FOXP2: variants seen among roughly 807,000 people sequenced by gnomAD.
FOXP2 encodes forkhead box P2.
A neutral mutation model predicts 115.8 loss-of-function variants in FOXP2; 12 were observed. The ratio of observed to expected loss-of-function variants is 0.10; its 90% CI spans 0.07 to 0.17. The LOEUF (loss-of-function observed/expected upper bound fraction) is 0.17. FOXP2 is among the 10% of genes least tolerant of loss of function. The pLI is 1.00. For missense variants in FOXP2, 629 were observed against 843.5 expected (o/e 0.75, Z 3.15); for synonymous variants, 328 against 297.7 (o/e 1.10, Z -1.05).
At chr7:114,594,416 A>G (rs377625260) in intron 3 of FOXP2, among the ~76,000 whole-genome samples, 2 of 151,998 alleles carry the variant, frequency 1.3e-5, no homozygotes, top group African/African-American at 4.8e-5. Context: ...CAGCTGCCCA[A>G]TCAGTGCTTT....
intron 6 of FOXP2, among the ~76,000 whole-genome samples, chr7:114,637,573 C>G (rs1362855543): frequency 6.6e-6 from 1 of 152,122 alleles, no homozygotes; most frequent in Admixed American, 6.6e-5. Context: ...ACTGCAGGCA[C>G]TCTTATAGAC....
At chr7:114,332,630 T>G (rs1404042259) in intron 2 of FOXP2, among the ~76,000 whole-genome samples, 1 of 152,172 alleles carries the variant, frequency 6.6e-6, no homozygotes, top group African/African-American at 2.4e-5. Flanking sequence ...TTCCCTCTCC[T>G]GACTGCAAAT....
intron 2 of FOXP2, among the ~76,000 whole-genome samples, chr7:114,306,495 C>T (rs139018529): frequency 2.6e-3 from 398 of 152,230 alleles, no homozygotes; most frequent in Non-Finnish European, 4.3e-3. Context: ...CTAAGAAATA[C>T]ATCAGGTGAA....
In FOXP2 at chr7:114,628,587, G is replaced by A; in HGVS notation, c.306G>A (p.Gln102=). Residue 102 remains glutamine, a synonymous_variant, in exon 4 of 17, where the codon CAG becomes CAA. Transcript: ENST00000350908. ...AMMTPQVITP[Q]QMQQILQQQV... The stretch of plus-strand genomic sequence containing the variant: ...TGACTCCCCAGGTGATCACCCCTCA[G>A]CAAATGCAGCAGATCCTTCAGCAAC... 1 of 1,614,092 alleles carries A rather than the reference G, an allele frequency of 6.2e-7. No individual in the cohort carries two copies. Among genetic ancestry groups the A allele is most frequent in the Admixed American group, 1.7e-5 (1 of 59,998 alleles).
intron 1 of FOXP2, among the ~76,000 whole-genome samples, chr7:114,089,535 G>A (rs532408121): frequency 1.3e-5 from 2 of 151,830 alleles, no homozygotes; most frequent in Non-Finnish European, 2.9e-5. Context: ...ATTTATACTC[G>A]GGTGGAAATA....
At chr7:114,551,316 A>T (rs1800195490) in intron 3 of FOXP2, among the ~76,000 whole-genome samples, 1 of 152,174 alleles carries the variant, frequency 6.6e-6, no homozygotes. Context: ...ATCCTCAGGG[A>T]GTTGACAATC....
intron 2 of FOXP2, among the ~76,000 whole-genome samples, chr7:114,529,357 G>A (rs1799029050): frequency 6.6e-6 from 1 of 151,820 alleles, no homozygotes; most frequent in Non-Finnish European, 1.5e-5. Flanking sequence ...CACTTCTGAG[G>A]ATGACTTGAG....
At chr7:114,414,742 C>T (rs2129199511), upstream of FOXP2, 1 of 192,632 alleles carries the variant, frequency 5.2e-6, no homozygotes. Flanking sequence ...TTGCAGAGCA[C>T]TGGAGCTTTA....
intron 2 of FOXP2, among the ~76,000 whole-genome samples, chr7:114,527,110 G>A (rs1798919349): frequency 6.6e-6 from 1 of 151,104 alleles, no homozygotes; most frequent in African/African-American, 2.4e-5. Context: ...TGTTTTCAAG[G>A]TTTATCCATG....
rs190482306 is a variant in FOXP2 at position 114,690,232 on chromosome 7, C to T, written c.*306C>T. ...GGCTTTGCCCATTTAAAAAATGTGG[C>T]TCTTAAGGGTTCATGAAATGACTGA... is the stretch of plus-strand genomic sequence containing the variant. On this transcript the variant is annotated 3_prime_UTR_variant, in exon 17 of 17. Coordinates refer to ENST00000350908, the MANE Select transcript of FOXP2 (RefSeq NM_014491.4). 8.4e-6 allele frequency: 4 copies of T among 475,386 alleles called. No individual in the cohort carries two copies. Among genetic ancestry groups the T allele is most frequent in the East Asian group, 6.2e-5 (1 of 16,192 alleles). The allele number at this position is 475,386 out of a possible 1,614,324, so 29.4% of individuals were successfully genotyped here. A position where few individuals can be genotyped will look rare whatever the true frequency, so the allele number is the denominator to read the frequency against.
At chr7:114,445,655 A>T (rs1267421003) in intron 2 of FOXP2, among the ~76,000 whole-genome samples, 1 of 152,190 alleles carries the variant, frequency 6.6e-6, no homozygotes, top group East Asian at 1.9e-4. Context: ...ACTGGGATTA[A>T]GTATCAAAAT....
intron 3 of FOXP2, among the ~76,000 whole-genome samples, chr7:114,546,605 ATCT>A (rs1799937932): frequency 6.6e-6 from 1 of 152,044 alleles, no homozygotes; most frequent in African/African-American, 2.4e-5. Context: ...AACACCCCTT[ATCT>A]GATTGGCAAA....
At chr7:114,156,880 A>C (rs1414503690) in intron 1 of FOXP2, among the ~76,000 whole-genome samples, 1 of 152,136 alleles carries the variant, frequency 6.6e-6, no homozygotes, top group Non-Finnish European at 1.5e-5. Context: ...TTTAATGTTG[A>C]CTTAGAACTT....
At chr7:114,418,069 G>A (rs528970693) in intron 1 of FOXP2, among the ~76,000 whole-genome samples, 13 of 151,990 alleles carry the variant, frequency 8.6e-5, no homozygotes, top group African/African-American at 1.2e-4. Flanking sequence ...ACAACAAGGC[G>A]TTATACTCAT....
At chr7:114,296,668 A>G (rs147174810) in intron 2 of FOXP2, among the ~76,000 whole-genome samples, 8 of 152,314 alleles carry the variant, frequency 5.3e-5, no homozygotes, top group African/African-American at 1.9e-4. Context: ...ACATATATTG[A>G]CACATATGAT....
At chr7:114,156,055 T>C (rs1169068166) in intron 1 of FOXP2, among the ~76,000 whole-genome samples, 3 of 152,074 alleles carry the variant, frequency 2.0e-5, no homozygotes, top group Admixed American at 1.3e-4. Flanking sequence ...CCAGTCTGAG[T>C]ATTACTAGAA....
intron 1 of FOXP2, among the ~76,000 whole-genome samples, chr7:114,156,127 C>T (rs565124383): frequency 2.0e-5 from 3 of 151,866 alleles, no homozygotes; most frequent in Admixed American, 6.6e-5. Flanking sequence ...CTCCCACTCA[C>T]CCAACTCCTG....
intron 1 of FOXP2, among the ~76,000 whole-genome samples, chr7:114,191,309 A>G (rs1793754538): frequency 6.6e-6 from 1 of 152,190 alleles, no homozygotes; most frequent in African/African-American, 2.4e-5. Flanking sequence ...CTAGTTAGAT[A>G]TAGAAGGAGA....
chr7:114,582,081 G>A (rs142469356), intron 3 of FOXP2, among the ~76,000 whole-genome samples: 1 of 152,284 alleles, frequency 6.6e-6, no homozygotes, highest in African/African-American at 2.4e-5. Context: ...GTGCAGGGGA[G>A]ATGTTGACAG....
Sources: gnomAD v4.1 joint callset for allele counts (sites outside exome capture counted in the v4.1 genomes callset) on GRCh38, gnomAD v4.1.1 for gene constraint, MANE v1.5 for transcripts, NCBI Gene and HGNC (gene_info 2026-07-23, HGNC 2026-07-21) for gene names.